PTPRD: variants seen among roughly 807,000 people sequenced by gnomAD.
PTPRD encodes protein tyrosine phosphatase receptor type D.
A neutral mutation model predicts 214.5 loss-of-function variants in PTPRD; 34 were observed. The ratio of observed to expected loss-of-function variants is 0.16; its 90% CI spans 0.12 to 0.21. The LOEUF (loss-of-function observed/expected upper bound fraction) is 0.21, where lower values mean the gene tolerates loss of function less well. Among genes scored for constraint, PTPRD ranks in the 10% least tolerant of loss-of-function variants. PTPRD has a pLI of 1.00. For missense variants in PTPRD, 2,545 were observed against 2,398.7 expected (o/e 1.06, Z -1.27); for synonymous variants, 1,128 against 845.7 (o/e 1.33, Z -5.79).
At chr9:10,297,833 T>G (rs933579907) in intron 3 of PTPRD, among the ~76,000 whole-genome samples, 1 of 152,126 alleles carries the variant, frequency 6.6e-6, no homozygotes, top group Non-Finnish European at 1.5e-5. Flanking sequence ...CTTCGGATTA[T>G]GTCAGCTCTA....
intron 5 of PTPRD, among the ~76,000 whole-genome samples, chr9:9,852,296 A>G (rs1327229257): frequency 2.0e-5 from 3 of 152,146 alleles, no homozygotes; most frequent in African/African-American, 4.8e-5. Flanking sequence ...CAGAATTTTG[A>G]ATAAAAAATT....
intron 14 of PTPRD, among the ~76,000 whole-genome samples, chr9:8,596,661 A>G (rs929563575): frequency 1.3e-5 from 2 of 152,106 alleles, no homozygotes; most frequent in Admixed American, 6.5e-5. Context: ...AAAAGGAAGT[A>G]TTTACAATAT....
intron 3 of PTPRD, among the ~76,000 whole-genome samples, chr9:10,213,456 G>A (rs758491462): frequency 1.4e-4 from 21 of 152,048 alleles, no homozygotes; most frequent in Admixed American, 8.5e-4. Flanking sequence ...TCTGTCAGGT[G>A]GATGCAGAGG....
Position 10,488,366 on chromosome 9 carries a change from CAAAAAAAAAAAA to C in PTPRD, c.-600+124020_-600+124031del, listed in dbSNP as rs59842348. 7.4e-3 allele frequency among the ~76,000 whole-genome samples: 504 copies of C among 68,426 alleles called. 4 individuals carry two copies. Among genetic ancestry groups the C allele is most frequent in the African/African-American group, 0.023 (462 of 19,914 alleles). 44.9% of individuals were successfully genotyped at this position (68,426 alleles called of 152,430 possible). On this transcript the variant is annotated intron_variant, in intron 2 of 45. Coordinates refer to ENST00000381196, the MANE Select transcript of PTPRD (RefSeq NM_002839.4). ...TGGGCAACAGAGTGAGACTCTGTCT[CAAAAAAAAAAAA>C]AAAAAAAAAGACTGCCAGGTCACAC... is the stretch of plus-strand genomic sequence containing the variant.
At chr9:8,737,568 C>T (rs1158878927) in intron 11 of PTPRD, among the ~76,000 whole-genome samples, 2 of 151,874 alleles carry the variant, frequency 1.3e-5, no homozygotes, top group Admixed American at 6.6e-5. Flanking sequence ...AAAAGTACCA[C>T]GTTTTACCTT....
intron 2 of PTPRD, among the ~76,000 whole-genome samples, chr9:10,479,877 T>C (rs2099086780): frequency 6.6e-6 from 1 of 152,010 alleles, no homozygotes; most frequent in Non-Finnish European, 1.5e-5. Flanking sequence ...TAAAGACTGT[T>C]TCAAGAGTCT....
chr9:10,368,049 G>C (rs537430389), intron 2 of PTPRD, among the ~76,000 whole-genome samples: 26 of 152,070 alleles, frequency 1.7e-4, no homozygotes, highest in African/African-American at 5.5e-4. Context: ...AAATAAGCTA[G>C]GGCTATAGCA....
chr9:9,890,244 G>T (rs1311608624), intron 5 of PTPRD, among the ~76,000 whole-genome samples: 1 of 151,838 alleles, frequency 6.6e-6, no homozygotes, highest in Non-Finnish European at 1.5e-5. Flanking sequence ...GTGGCCCAGG[G>T]TAGAGTGCAG....
chr9:9,273,299 G>A (rs1385134617), intron 9 of PTPRD, among the ~76,000 whole-genome samples: 1 of 151,120 alleles, frequency 6.6e-6, no homozygotes, highest in Non-Finnish European at 1.5e-5. Context: ...TGAAACAATC[G>A]CTGAGTCACT....
At chr9:9,202,004 G>A (rs754498520) in intron 9 of PTPRD, among the ~76,000 whole-genome samples, 3 of 152,170 alleles carry the variant, frequency 2.0e-5, no homozygotes, top group Non-Finnish European at 4.4e-5. Flanking sequence ...AGATGGACAC[G>A]AACTTTTGGT....
chr9:9,979,804 G>A (rs1289936915), intron 4 of PTPRD, among the ~76,000 whole-genome samples: 2 of 152,170 alleles, frequency 1.3e-5, no homozygotes, highest in Non-Finnish European at 2.9e-5. Context: ...AATGATGAGT[G>A]AGGGAGAAAC....
chr9:8,581,913 CAAAAAAAA>C (rs36007156), intron 14 of PTPRD, among the ~76,000 whole-genome samples: 3,688 of 34,718 alleles, frequency 0.11, 71 homozygotes, highest in African/African-American at 0.29. Flanking sequence ...ACTCAATCTC[CAAAAAAAA>C]AAAAAAAAAA....
chr9:8,899,830 G>A (rs2098652155), intron 11 of PTPRD, among the ~76,000 whole-genome samples: 1 of 152,158 alleles, frequency 6.6e-6, no homozygotes, highest in African/African-American at 2.4e-5. Context: ...TGAGAGTAGA[G>A]TAAAATGAGA....
chr9:9,836,780 AG>A (rs2056884249), intron 5 of PTPRD, among the ~76,000 whole-genome samples: 1 of 152,174 alleles, frequency 6.6e-6, no homozygotes, highest in Non-Finnish European at 1.5e-5. Context: ...CCTATGTCTC[AG>A]GGTTGTTAAA....
chr9:10,153,005 A>C (rs911141435), intron 3 of PTPRD, among the ~76,000 whole-genome samples: 1 of 152,198 alleles, frequency 6.6e-6, no homozygotes, highest in Non-Finnish European at 1.5e-5. Flanking sequence ...TGCAGTTATC[A>C]GGGGCTGATG....
chr9:8,330,906 A>G (rs1172119957), intron 44 of PTPRD, among the ~76,000 whole-genome samples: 3 of 150,666 alleles, frequency 2.0e-5, no homozygotes, highest in African/African-American at 7.5e-5. Flanking sequence ...ATATTAGTTT[A>G]AATAAAATTA....
At chr9:10,515,408 G>A (rs938012001) in intron 2 of PTPRD, among the ~76,000 whole-genome samples, 2 of 141,820 alleles carry the variant, frequency 1.4e-5, no homozygotes, top group African/African-American at 4.9e-5. Context: ...ACCATAAAAG[G>A]GCAACGCCAT....
chr9:9,068,513 G>A (rs535946025), intron 10 of PTPRD, among the ~76,000 whole-genome samples: 78 of 152,230 alleles, frequency 5.1e-4, no homozygotes, highest in Non-Finnish European at 9.1e-4. Context: ...CTATCATCTA[G>A]TATTTTAATA....
At chr9:8,534,991 C>G (rs1226655839) in intron 14 of PTPRD, among the ~76,000 whole-genome samples, 1 of 151,854 alleles carries the variant, frequency 6.6e-6, no homozygotes. Flanking sequence ...TGGACTGGGC[C>G]AGGCACTGGG....
Sources: gnomAD v4.1 joint callset for allele counts (sites outside exome capture counted in the v4.1 genomes callset) on GRCh38, gnomAD v4.1.1 for gene constraint, MANE v1.5 for transcripts, NCBI Gene and HGNC (gene_info 2026-07-23, HGNC 2026-07-21) for gene names.